The following ZSWIM5 variants were observed in gnomAD, a reference collection of about 807,000 sequenced individuals.
ZSWIM5 encodes the protein zinc finger SWIM domain-containing protein 5.
In ZSWIM5, 55 loss-of-function variants were observed where a neutral mutation model predicts 119.6. The ratio of observed to expected loss-of-function variants is 0.46; its 90% CI spans 0.37 to 0.58. The LOEUF is 0.58. Among genes scored for constraint, ZSWIM5 ranks in the 20% least tolerant of loss-of-function variants. The probability of loss-of-function intolerance (pLI) is 0.00; values close to 1 mark genes in which losing one functional copy is unlikely to be tolerated. For synonymous variants in ZSWIM5, 537 were observed against 606.9 expected (o/e 0.88, Z 1.69); for missense variants, 1,193 against 1,512.8 (o/e 0.79, Z 3.51).
Position 45,206,109 on chromosome 1 carries a change from C to T in ZSWIM5, c.242G>A (p.Arg81Gln), listed in dbSNP as rs1379065031. ...GATCCGCTCGAAGCGCTCCTCCACCCGTTCGTATGCCCACTTTTCCGCCAC... is the reference window on the plus strand; with the variant it reads ...GATCCGCTCGAAGCGCTCCTCCACCTGTTCGTATGCCCACTTTTCCGCCAC... ...KTVAEKWAYE[R>Q]VEERFERIPE... The change falls in exon 1 of 14, where the codon CGG (arginine) becomes CAG (glutamine). Residue 81 changes from arginine (R) to glutamine (Q), a missense_variant. By Grantham distance (43) the Arg-to-Gln change is conservative (BLOSUM62 1). This residue lies in a region of ZSWIM5 where 232 missense variants were observed against 222.9 expected (regional missense o/e 1.04). Coordinates refer to ENST00000359600, the MANE Select transcript of ZSWIM5 (RefSeq NM_020883.2). The T allele has an allele frequency of 9.3e-6, 15 of 1,611,606 alleles. No individual in the cohort carries two copies. The highest frequency in any genetic ancestry group is 1.3e-5 in the Non-Finnish European group (15 of 1,179,416).
At chr1:45,164,580 C>G (rs1048378500) in intron 1 of ZSWIM5, among the ~76,000 whole-genome samples, 16 of 152,090 alleles carry the variant, frequency 1.1e-4, no homozygotes, top group Admixed American at 8.5e-4. Context: ...AGACCCATCT[C>G]ACGTGCAGAG....
chr1:45,196,102 C>A (rs1646121093), intron 1 of ZSWIM5, among the ~76,000 whole-genome samples: 1 of 148,228 alleles, frequency 6.7e-6, no homozygotes, highest in South Asian at 2.1e-4. Flanking sequence ...TCTCAAACCC[C>A]TGGGCTCAAG....
intron 7 of ZSWIM5, 46 bp from the exon 8 acceptor site, chr1:45,039,119 T>C (rs1645003464): frequency 6.2e-7 from 1 of 1,605,530 alleles, no homozygotes; most frequent in African/African-American, 1.3e-5. Context: ...AGAGACAAAC[T>C]GCTGTCTGTC....
Position 45,205,814 on chromosome 1 carries a change from C to A in ZSWIM5, c.537G>T (p.Pro179=). ...GAAGCGGEGL[P]FRRGIRLLDS... is the part of the protein sequence containing the mutation. ...CCAGCAGACGGATGCCCCGGCGGAA[C>A]GGGAGCCCCTCGCCACCGCAGCCGG... The change falls in exon 1 of 14, where the codon CCG becomes CCT. Residue 179 remains proline (P), a synonymous_variant. Transcript: ENST00000359600. 2.0e-6 allele frequency: 3 copies of A among 1,536,038 alleles called. No individual in the cohort carries two copies. The highest frequency in any genetic ancestry group is 2.4e-5 in the South Asian group (2 of 85,082).
intron 1 of ZSWIM5, among the ~76,000 whole-genome samples, chr1:45,165,252 T>G (rs1366027135): frequency 6.6e-6 from 1 of 152,120 alleles, no homozygotes; most frequent in Non-Finnish European, 1.5e-5. Context: ...GAAATAAAGA[T>G]GTTCTTTGAA....
chr1:45,060,040 C>A, intron 3 of ZSWIM5, 59 bp downstream of exon 3: 2 of 1,592,136 alleles, frequency 1.3e-6, no homozygotes, highest in Non-Finnish European at 1.7e-6. Context: ...GTGGTGTGCC[C>A]AGTCTGACTT....
intron 1 of ZSWIM5, among the ~76,000 whole-genome samples, chr1:45,127,558 G>A (rs545054598): frequency 8.1e-4 from 122 of 151,488 alleles, no homozygotes; most frequent in Admixed American, 1.5e-3. Flanking sequence ...ATCCTCCTGG[G>A]TAGCTGGGCC....
chr1:45,039,699 T>TAA (rs1459086878), intron 7 of ZSWIM5, among the ~76,000 whole-genome samples: 1 of 151,422 alleles, frequency 6.6e-6, no homozygotes, highest in Non-Finnish European at 1.5e-5. Context: ...TAATTTAATT[T>TAA]AATTTAATTA....
chr1:45,075,550 C>T (rs1472910414), intron 2 of ZSWIM5, among the ~76,000 whole-genome samples: 1 of 152,120 alleles, frequency 6.6e-6, no homozygotes, highest in Non-Finnish European at 1.5e-5. Flanking sequence ...TTTCCATTGA[C>T]ATGAAATACC....
chr1:45,130,229 G>A (rs1212950950), intron 1 of ZSWIM5, among the ~76,000 whole-genome samples: 1 of 152,156 alleles, frequency 6.6e-6, no homozygotes, highest in Non-Finnish European at 1.5e-5. Context: ...ACTGGAGTTC[G>A]TCAAAATTAC....
intron 11 of ZSWIM5, among the ~76,000 whole-genome samples, chr1:45,026,093 A>T (rs1159364070): frequency 2.6e-5 from 4 of 152,086 alleles, no homozygotes; most frequent in African/African-American, 9.7e-5. Flanking sequence ...GGAGTGCAGT[A>T]GTACAATCAT....
In ZSWIM5 at chr1:45,140,614, A is replaced by C. The variant is rs184969508; in HGVS notation, c.596-52377T>G. Among the ~76,000 whole-genome samples, 5 of 152,332 alleles carry C rather than the reference A, an allele frequency of 3.3e-5. No individual in the cohort carries two copies. The East Asian group carries it at 9.6e-4, about 29-fold the overall frequency. On this transcript the variant is annotated intron_variant, in intron 1 of 13. Coordinates refer to ENST00000359600, the MANE Select transcript of ZSWIM5 (RefSeq NM_020883.2). Reference sequence around the variant, plus strand: ...AAATGTAAGCAGCCTAAACAGCCCAATAAAAAAGGCAGAAATTATTACATT... The same window carrying C: ...AAATGTAAGCAGCCTAAACAGCCCACTAAAAAAGGCAGAAATTATTACATT...
intron 1 of ZSWIM5, among the ~76,000 whole-genome samples, chr1:45,193,851 C>T (rs1646105944): frequency 6.6e-6 from 1 of 151,812 alleles, no homozygotes; most frequent in African/African-American, 2.4e-5. Context: ...TCATTTTGCC[C>T]TTTTACAGTT....
At chr1:45,165,350 T>C (rs1474974258) in intron 1 of ZSWIM5, among the ~76,000 whole-genome samples, 3 of 151,926 alleles carry the variant, frequency 2.0e-5, no homozygotes, top group African/African-American at 7.2e-5. Context: ...ACTAAATGCC[T>C]ACAAGAGAAA....
intron 2 of ZSWIM5, among the ~76,000 whole-genome samples, chr1:45,071,454 CTTT>C (rs58028758): frequency 6.4e-5 from 6 of 93,746 alleles, no homozygotes; most frequent in South Asian, 4.1e-4. Flanking sequence ...GACAGAATCT[CTTT>C]TTTTTTTTTT....
intron 1 of ZSWIM5, among the ~76,000 whole-genome samples, chr1:45,102,645 G>C (rs193074782): frequency 1.3e-5 from 2 of 152,246 alleles, no homozygotes; most frequent in Admixed American, 1.3e-4. Context: ...ATGAATAAAT[G>C]AACACTAAAC....
At chr1:45,034,660 G>A (rs753310748) in intron 10 of ZSWIM5, among the ~76,000 whole-genome samples, 191 bp from the exon 11 acceptor site, 11 of 152,192 alleles carry the variant, frequency 7.2e-5, no homozygotes, top group African/African-American at 2.4e-4. Flanking sequence ...AGTACTCAAC[G>A]CTGAATAGTT....
intron 1 of ZSWIM5, among the ~76,000 whole-genome samples, chr1:45,107,075 CCGAAGGCCACAGG>C (rs1645485457): frequency 6.6e-6 from 1 of 152,172 alleles, no homozygotes; most frequent in Non-Finnish European, 1.5e-5. Flanking sequence ...ACAAACAGGG[CCGAAGGCCACAGG>C]AACCTCTGCC....
intron 1 of ZSWIM5, among the ~76,000 whole-genome samples, chr1:45,127,600 T>TA (rs201607573): frequency 1.7e-4 from 25 of 149,956 alleles, no homozygotes; most frequent in African/African-American, 3.2e-4. Context: ...CAGGCTAATT[T>TA]AAAAAAAAAA....
Sources: allele counts gnomAD v4.1 joint callset (sites outside exome capture counted in the v4.1 genomes callset), GRCh38; gene constraint gnomAD v4.1.1; regional missense constraint gnomAD v4.1.1; transcripts MANE v1.5; gene names NCBI Gene and HGNC (gene_info 2026-07-23, HGNC 2026-07-21).